The following CAVIN1 variants were observed in gnomAD, a reference collection of about 807,000 sequenced individuals.
CAVIN1 encodes caveolae-associated protein 1.
Under a neutral mutation model 24.0 loss-of-function variants are expected in CAVIN1, and 16 were observed. The ratio of observed to expected loss-of-function variants is 0.67; its 90% confidence interval spans 0.45 to 1.01. The LOEUF (loss-of-function observed/expected upper bound fraction) is 1.01, where lower values mean the gene tolerates loss of function less well. CAVIN1 is among the 50% of genes least tolerant of loss of function. CAVIN1 has a pLI of 0.00. For missense variants in CAVIN1, 510 were observed against 551.7 expected (o/e 0.92, Z 0.76); for synonymous variants, 256 against 256.4 (o/e 1.00, Z 0.02).
At position 42,420,584 on chromosome 17, in the gene CAVIN1, G is replaced by A. The variant is rs113209067; in HGVS notation, c.471+2043C>T. On this transcript the variant is annotated intron_variant, in intron 1 of 1. Coordinates refer to ENST00000357037, the MANE Select transcript of CAVIN1 (RefSeq NM_012232.6). ...AACTCTCTGTCACCCACTGGCCTTG[G>A]TTTAGTGCAGATTCATTTGAAGCCA... 4.0e-3 allele frequency among the ~76,000 whole-genome samples: 606 copies of A among 152,282 alleles called. 3 individuals carry two copies. The highest frequency in any genetic ancestry group is 7.4e-3 in the Non-Finnish European group (501 of 68,018).
intron 1 of CAVIN1, among the ~76,000 whole-genome samples, chr17:42,419,946 C>T (rs763670681): frequency 6.7e-6 from 1 of 149,926 alleles, no homozygotes; most frequent in African/African-American, 2.5e-5. Flanking sequence ...GCTGTGAAAT[C>T]ATTAAGTCTA....
chr17:42,411,211 T>TAAAAAAAAAAAAAAAAAAAAAAAAAA (rs1468503843), intron 1 of CAVIN1, among the ~76,000 whole-genome samples: 5 of 45,880 alleles, frequency 1.1e-4, no homozygotes, highest in African/African-American at 3.3e-4. Context: ...AAAAAAAAAC[T>TAAAAAAAAAAAAAAAAAAAAAAAAAA]AAAAGGTCTG....
At position 42,423,146 on chromosome 17, in the gene CAVIN1, C is replaced by T. The variant is rs967286497; in HGVS notation, c.-49G>A. 5 of 1,397,806 alleles carry T rather than the reference C, an allele frequency of 3.6e-6. No homozygotes were observed. Among genetic ancestry groups the T allele is most frequent in the African/African-American group, 2.9e-5 (2 of 68,974 alleles). The allele number at this position is 1,397,806 out of a possible 1,614,324, so 86.6% of individuals were successfully genotyped here. On this transcript the variant is annotated 5_prime_UTR_variant, in exon 1 of 2. Coordinates refer to ENST00000357037, the MANE Select transcript of CAVIN1 (RefSeq NM_012232.6). ...CGGCCGGGTGGGGCTGGAGCTGGAG[C>T]GGGAGACCCGGAGAGAAGCAGGAGC...
chr17:42,404,731 C>G lies in CAVIN1; in HGVS notation c.1129G>C (p.Glu377Gln). 4.0e-6 allele frequency: 6 copies of G among 1,501,698 alleles called. No individual in the cohort carries two copies. Among genetic ancestry groups the G allele is most frequent in the Non-Finnish European group, 5.3e-6 (6 of 1,131,702 alleles). 93.0% of individuals were successfully genotyped at this position (1,501,698 alleles called of 1,614,324 possible). A position where few individuals can be genotyped will look rare whatever the true frequency, so the allele number is the denominator to read the frequency against. The part of the protein sequence containing the change: ...PDVHALLEIT[E>Q]ESDAVLVDKS... The stretch of plus-strand genomic sequence containing the variant: ...TCCACCAGCACGGCGTCCGACTCCT[C>G]GGTGATCTCCAGCAGCGCGTGCACG... The change falls in exon 2 of 2, where the codon GAG becomes CAG. Residue 377 changes from glutamate (E) to glutamine (Q), a missense_variant. Physicochemically the swap from Glu to Gln is conservative, Grantham distance 29. Coordinates refer to ENST00000357037, the MANE Select transcript of CAVIN1 (RefSeq NM_012232.6).
At chr17:42,422,421 C>T (rs1238677645) in intron 1 of CAVIN1, among the ~76,000 whole-genome samples, 23 of 152,142 alleles carry the variant, frequency 1.5e-4, no homozygotes, top group Non-Finnish European at 1.5e-5. Flanking sequence ...CTACGCGCCC[C>T]AGGAGTCCGC....
chr17:42,417,813 C>A (rs2085520915), intron 1 of CAVIN1, among the ~76,000 whole-genome samples: 1 of 152,112 alleles, frequency 6.6e-6, no homozygotes, highest in African/African-American at 2.4e-5. Context: ...CACCCACCAC[C>A]ACACCCACCT....
intron 1 of CAVIN1, among the ~76,000 whole-genome samples, chr17:42,410,696 G>A (rs1206375176): frequency 2.0e-5 from 3 of 151,558 alleles, no homozygotes; most frequent in South Asian, 2.1e-4. Flanking sequence ...GGCAGATTAC[G>A]AGGTCAGGAG....
chr17:42,422,528 G>T (rs920138748), intron 1 of CAVIN1, 99 bp downstream of exon 1: 4 of 952,636 alleles, frequency 4.2e-6, no homozygotes, highest in Non-Finnish European at 6.2e-6. Context: ...AGGCTGGGAG[G>T]GGAGCAGCGC....
intron 1 of CAVIN1, among the ~76,000 whole-genome samples, chr17:42,419,129 C>T (rs922985606): frequency 6.6e-5 from 10 of 151,880 alleles, no homozygotes; most frequent in African/African-American, 2.2e-4. Context: ...CCCAAGAGTT[C>T]GAGACTGCAG....
chr17:42,413,683 C>T lies in CAVIN1; in HGVS notation c.472-8295G>A, dbSNP rs1352289491. Among the ~76,000 whole-genome samples, 3 of 151,278 alleles carry T rather than the reference C, an allele frequency of 2.0e-5. No homozygotes were observed. The Admixed American group carries it at 2.0e-4, about 10-fold the overall frequency. ...GCTTCAATTGAGCCCCTCCCTTCCT[C>T]CCTCTACAATATTCCCCAGTCCCAT... On this transcript the variant is annotated intron_variant, in intron 1 of 1. Transcript: ENST00000357037.
At chr17:42,418,463 T>C (rs914528307) in intron 1 of CAVIN1, among the ~76,000 whole-genome samples, 3 of 152,046 alleles carry the variant, frequency 2.0e-5, no homozygotes, top group Non-Finnish European at 4.4e-5. Context: ...ACTCCCCACC[T>C]CAGGTGATCC....
Position 42,413,561 on chromosome 17 carries a change from AAAGGG to A in CAVIN1, c.472-8178_472-8174del, listed in dbSNP as rs1306527103. Among the ~76,000 whole-genome samples, 77 of 61,680 alleles carry A rather than the reference AAAGGG, an allele frequency of 1.2e-3. 1 individual carries two copies. The highest frequency in any genetic ancestry group is 2.4e-3 in the Non-Finnish European group (70 of 29,124). The allele number at this position is 61,680 out of a possible 152,430, so 40.5% of individuals were successfully genotyped here. ...GCGACAGAGCAAAAGTCTGTCTCAA[AAAGGG>A]AAAAAAAAAAAAAAAAAAAAAAAAA... On this transcript the variant is annotated intron_variant, in intron 1 of 1. Transcript: ENST00000357037.
Position 42,421,719 on chromosome 17 carries a change from G to T in CAVIN1, c.471+908C>A, listed in dbSNP as rs979758855. Among the ~76,000 whole-genome samples the T allele has an allele frequency of 2.2e-4, 34 of 152,184 alleles. 1 individual carries two copies. The highest frequency in any genetic ancestry group is 7.4e-5 in the Non-Finnish European group (5 of 68,014). On this transcript the variant is annotated intron_variant, in intron 1 of 1. Transcript: ENST00000357037. The stretch of plus-strand genomic sequence containing the variant: ...AGAGCTGCAAAGAAAGCAACAAGTG[G>T]CCCCGGGCGGAGCCGGGGGGTGGGG...
chr17:42,414,185 G>C (rs1186469226), intron 1 of CAVIN1, among the ~76,000 whole-genome samples: 3 of 152,162 alleles, frequency 2.0e-5, no homozygotes, highest in Non-Finnish European at 4.4e-5. Context: ...ACAGGCATGA[G>C]CCAGTGTGCC....
At chr17:42,411,203 A>AAAAAAAAAAAAAAAAAAAAAAAAC (rs1555586974) in intron 1 of CAVIN1, among the ~76,000 whole-genome samples, 1 of 147,296 alleles carries the variant, frequency 6.8e-6, no homozygotes, top group African/African-American at 2.5e-5. Context: ...AAAAAAAAAA[A>AAAAAAAAAAAAAAAAAAAAAAAAC]AAAAAACTAA....
At chr17:42,418,254 C>T (rs916483438) in intron 1 of CAVIN1, among the ~76,000 whole-genome samples, 2 of 144,804 alleles carry the variant, frequency 1.4e-5, no homozygotes, top group Non-Finnish European at 3.0e-5. Context: ...TTTTTGAGAC[C>T]AAGTTTCGCT....
At chr17:42,419,239 G>C (rs1368311387) in intron 1 of CAVIN1, among the ~76,000 whole-genome samples, 1 of 152,020 alleles carries the variant, frequency 6.6e-6, no homozygotes, top group Non-Finnish European at 1.5e-5. Context: ...TTGTTGCCTG[G>C]AAGAATTGGT....
chr17:42,411,795 G>A (rs1567778641), intron 1 of CAVIN1: 1 of 985,376 alleles, frequency 1.0e-6, no homozygotes, highest in African/African-American at 1.7e-5. Flanking sequence ...TAAGTGTGGG[G>A]GAGCATTTAC....
rs911737222 is a variant in CAVIN1, at chr17:42,403,301, C to A, written c.*1386G>T. The A allele has an allele frequency of 6.6e-6, 1 of 152,656 alleles. No homozygotes were observed. The highest frequency in any genetic ancestry group is 1.5e-5 in the Non-Finnish European group (1 of 68,186). 9.5% of individuals were successfully genotyped at this position (152,656 alleles called of 1,614,324 possible). On this transcript the variant is annotated 3_prime_UTR_variant, in exon 2 of 2. Coordinates refer to ENST00000357037, the MANE Select transcript of CAVIN1 (RefSeq NM_012232.6). Reference sequence around the variant, plus strand: ...GCTGCTCTGTGATGTTCTCTCCCCACCTCCCCTCCAGCTCTCAACTTGGTG... The same window carrying A: ...GCTGCTCTGTGATGTTCTCTCCCCAACTCCCCTCCAGCTCTCAACTTGGTG...
Sources: allele counts gnomAD v4.1 joint callset (sites outside exome capture counted in the v4.1 genomes callset), GRCh38; gene constraint gnomAD v4.1.1; transcripts MANE v1.5; gene names NCBI Gene and HGNC (gene_info 2026-07-23, HGNC 2026-07-21).